Variants in DSCAM observed in about 807,000 individuals in gnomAD.
The protein encoded by DSCAM is cell adhesion molecule DSCAM.
Under a neutral mutation model 217.7 loss-of-function variants are expected in DSCAM, and 47 were observed. That is an observed-to-expected ratio of 0.22 (90% CI 0.17 to 0.28). DSCAM has a LOEUF of 0.28. DSCAM is among the 10% of genes least tolerant of loss of function. The probability of loss-of-function intolerance (pLI) is 1.00; values close to 1 mark genes in which losing one functional copy is unlikely to be tolerated. For synonymous variants in DSCAM, 1,056 were observed against 1,015.3 expected, an observed-to-expected ratio of 1.04 and a Z score of -0.76; for missense variants, 2,080 against 2,618.3, an observed-to-expected ratio of 0.79 and a Z score of 4.49.
chr21:40,143,346 T>A (rs1377476183), intron 17 of DSCAM, among the ~76,000 whole-genome samples: 1 of 152,026 alleles, frequency 6.6e-6, no homozygotes, highest in Non-Finnish European at 1.5e-5. Flanking sequence ...TAATGAAAAA[T>A]GAGCATTGAA....
intron 19 of DSCAM, 121 bp from the exon 20 acceptor site, chr21:40,124,449 G>T: frequency 8.0e-7 from 1 of 1,251,632 alleles, no homozygotes; most frequent in Non-Finnish European, 1.1e-6. Flanking sequence ...AGCGTTATGG[G>T]TTCCGCTGTG....
intron 11 of DSCAM, among the ~76,000 whole-genome samples, chr21:40,266,778 A>ATG (rs2073541022): frequency 5.3e-4 from 1 of 1,882 alleles, no homozygotes; most frequent in Admixed American, 5.2e-3. Flanking sequence ...TTTCACATGC[A>ATG]TATATATATA....
At chr21:40,443,142 G>T (rs1053713036) in intron 3 of DSCAM, among the ~76,000 whole-genome samples, 3 of 152,146 alleles carry the variant, frequency 2.0e-5, no homozygotes, top group African/African-American at 7.2e-5. Flanking sequence ...AAGGCTATGT[G>T]GATCTTCTGA....
rs190329401 is a variant in DSCAM, at chr21:40,029,083, T to A, written c.5686+13288A>T. Among the ~76,000 whole-genome samples the A allele has an allele frequency of 5.8e-3, 886 of 152,330 alleles. 13 individuals carry two copies. The highest frequency in any genetic ancestry group is 0.02 in the African/African-American group (845 of 41,578). On this transcript the variant is annotated intron_variant, in intron 32 of 32. Coordinates refer to ENST00000400454, the MANE Select transcript of DSCAM (RefSeq NM_001389.5). ...CCATCTCTACAAACAGAAAACAAAATTCTCTATTCTTTTGAGAAATAGCTG... is the reference window on the plus strand; with the variant it reads ...CCATCTCTACAAACAGAAAACAAAAATCTCTATTCTTTTGAGAAATAGCTG...
intron 1 of DSCAM, among the ~76,000 whole-genome samples, chr21:40,727,616 T>G (rs763845027): frequency 7.9e-5 from 12 of 152,124 alleles, no homozygotes; most frequent in African/African-American, 1.2e-4. Context: ...TGCCATCTCC[T>G]CTGCCACTCC....
In DSCAM at chr21:40,485,918, CT is replaced by C. The variant is rs571024548; in HGVS notation, c.509-116674del. Among the ~76,000 whole-genome samples the C allele has an allele frequency of 1.0e-3, 156 of 152,268 alleles. 1 individual carries two copies. In the South Asian group the frequency reaches 0.029, roughly 29 times the overall value. Reference sequence around the variant, plus strand: ...TACCAACACAATTATTACACCATTACTTTTATTAAATGTTTTTAAATAGGAG... The same window carrying C: ...TACCAACACAATTATTACACCATTACTTTATTAAATGTTTTTAAATAGGAG... On this transcript the variant is annotated intron_variant, in intron 3 of 32. Transcript: ENST00000400454.
intron 1 of DSCAM, among the ~76,000 whole-genome samples, chr21:40,710,666 A>C (rs867811416): frequency 6.6e-6 from 1 of 152,188 alleles, no homozygotes; most frequent in African/African-American, 2.4e-5. Flanking sequence ...AGGGCCTATA[A>C]CAAGTGTTTC....
chr21:40,511,859 C>T (rs1017625137), intron 3 of DSCAM, among the ~76,000 whole-genome samples: 3 of 151,704 alleles, frequency 2.0e-5, no homozygotes, highest in African/African-American at 7.3e-5. Flanking sequence ...GGCGTGGTGG[C>T]AGGCGCCTGT....
chr21:40,108,282 GCTT>G (rs1182705129), intron 20 of DSCAM, among the ~76,000 whole-genome samples: 8 of 152,250 alleles, frequency 5.3e-5, no homozygotes, highest in Non-Finnish European at 1.0e-4. Flanking sequence ...CAGCCCAAAA[GCTT>G]CTTAAGCTGA....
At chr21:40,582,936 T>C (rs553627806) in intron 3 of DSCAM, among the ~76,000 whole-genome samples, 3 of 152,048 alleles carry the variant, frequency 2.0e-5, no homozygotes, top group Admixed American at 2.0e-4. Context: ...ATTTGAGCAA[T>C]GGAAAAGCAA....
Position 40,042,476 on chromosome 21 carries a change from T to C in DSCAM, c.5581A>G (p.Ser1861Gly). The change falls in exon 32 of 33, where the codon AGC becomes GGC. Residue 1861 changes from serine (S) to glycine (G), a missense_variant. Ser to Gly is a moderately conservative substitution (Grantham distance 56, BLOSUM62 0). Transcript: ENST00000400454. The part of the protein sequence containing the change: ...TNEYTDSLTS[S>G]TPSESGICRF... ...CAGATTCCCGATTCGGAAGGGGTGC[T>C]GGAGGTCAGACTGTCCGTGTACTCA... 1.2e-6 allele frequency: 2 copies of C among 1,614,202 alleles called. No individual in the cohort carries two copies. The highest frequency in any genetic ancestry group is 1.7e-6 in the Non-Finnish European group (2 of 1,180,032).
At chr21:40,304,115 T>C (rs951479339) in intron 9 of DSCAM, among the ~76,000 whole-genome samples, 1 of 152,264 alleles carries the variant, frequency 6.6e-6, no homozygotes, top group Non-Finnish European at 1.5e-5. Context: ...TTGGCTCTTA[T>C]TGGCTCATAC....
rs1649745713 is a variant in DSCAM, at chr21:40,112,193, GA to G, written c.3696+12001del. Among the ~76,000 whole-genome samples, 2 of 147,546 alleles carry G rather than the reference GA, an allele frequency of 1.4e-5. 1 individual carries two copies. Among genetic ancestry groups the G allele is most frequent in the Admixed American group, 1.4e-4 (2 of 14,786 alleles). On this transcript the variant is annotated intron_variant, in intron 20 of 32. Coordinates refer to ENST00000400454, the MANE Select transcript of DSCAM (RefSeq NM_001389.5). ...AAAGCTCTCCTCAGCAAATGTAAAA[GA>G]ACAGAAATTATAACAAACTGTCTCT...
At chr21:40,716,791 G>A (rs1027322217) in intron 1 of DSCAM, among the ~76,000 whole-genome samples, 15 of 152,042 alleles carry the variant, frequency 9.9e-5, no homozygotes, top group African/African-American at 3.6e-4. Flanking sequence ...CTTGTGTAAG[G>A]GCCCAGTAAT....
chr21:40,426,528 G>T (rs909909541), intron 3 of DSCAM, among the ~76,000 whole-genome samples: 1 of 152,088 alleles, frequency 6.6e-6, no homozygotes. Context: ...AATTGTTAAA[G>T]GTTCATAATG....
chr21:40,222,961 T>C (rs1268745940), intron 11 of DSCAM, among the ~76,000 whole-genome samples: 2 of 152,226 alleles, frequency 1.3e-5, no homozygotes, highest in Non-Finnish European at 2.9e-5. Flanking sequence ...GGGCCAAATC[T>C]GCAAATATAA....
chr21:40,041,764 T>C (rs1006334801), intron 32 of DSCAM, among the ~76,000 whole-genome samples: 6 of 152,122 alleles, frequency 3.9e-5, no homozygotes, highest in African/African-American at 7.2e-5. Flanking sequence ...TGAGGCCAAG[T>C]CCCAAACACT....
At chr21:40,588,727 G>C (rs760871466) in intron 3 of DSCAM, among the ~76,000 whole-genome samples, 1 of 152,122 alleles carries the variant, frequency 6.6e-6, no homozygotes, top group African/African-American at 2.4e-5. Flanking sequence ...AAAAAAGACA[G>C]GTTGTTGTTT....
At position 40,518,941 on chromosome 21, in the gene DSCAM, C is replaced by T. The variant is rs545705452; in HGVS notation, c.509-149696G>A. On this transcript the variant is annotated intron_variant, in intron 3 of 32. Transcript: ENST00000400454. ...GCCTATTGCTCCTAAGCTACTAACCCATACAGCATGTTACTGCATAAATAT... is the reference window on the plus strand; with the variant it reads ...GCCTATTGCTCCTAAGCTACTAACCTATACAGCATGTTACTGCATAAATAT... Among the ~76,000 whole-genome samples, 25 of 152,164 alleles carry T rather than the reference C, an allele frequency of 1.6e-4. No individual in the cohort carries two copies. In the South Asian group the frequency reaches 5.0e-3, roughly 30 times the overall value.
Sources: allele counts gnomAD v4.1 joint callset (sites outside exome capture counted in the v4.1 genomes callset), GRCh38; gene constraint gnomAD v4.1.1; transcripts MANE v1.5; gene names NCBI Gene and HGNC (gene_info 2026-07-23, HGNC 2026-07-21).